Variants in DIPK1A observed in about 807,000 individuals in gnomAD.
The protein encoded by DIPK1A is family with sequence similarity 69 member A.
In DIPK1A, 27 loss-of-function variants were observed where a neutral mutation model predicts 40.8. The ratio of observed to expected loss-of-function variants is 0.66; its 90% CI spans 0.49 to 0.91. The LOEUF (loss-of-function observed/expected upper bound fraction) is 0.91, where lower values mean the gene tolerates loss of function less well. Ranked by LOEUF, DIPK1A falls within the 40% of genes least tolerant of loss-of-function variation. DIPK1A has a pLI of 0.00. For synonymous variants in DIPK1A, 166 were observed against 171.3 expected, an observed-to-expected ratio of 0.97 and a Z score of 0.24; for missense variants, 412 against 505.7, an observed-to-expected ratio of 0.81 and a Z score of 1.78.
chr1:92,927,047 C>T (rs1311663147), intron 1 of DIPK1A, among the ~76,000 whole-genome samples: 1 of 152,034 alleles, frequency 6.6e-6, no homozygotes, highest in Admixed American at 6.6e-5. Flanking sequence ...CATCTGTTTG[C>T]TGTTTCTCTG....
At chr1:92,862,792 ATCT>A (rs1474891554) in intron 2 of DIPK1A, among the ~76,000 whole-genome samples, 1 of 152,186 alleles carries the variant, frequency 6.6e-6, no homozygotes, top group Non-Finnish European at 1.5e-5. Flanking sequence ...ACTGCCGTTC[ATCT>A]TCTCTGCTCT....
At chr1:92,870,079 C>T (rs1484801360) in intron 2 of DIPK1A, among the ~76,000 whole-genome samples, 3 of 101,284 alleles carry the variant, frequency 3.0e-5, no homozygotes, top group African/African-American at 1.4e-4. Flanking sequence ...TATATATACA[C>T]ACACACACAC....
downstream of DIPK1A, chr1:92,837,763 C>G: frequency 1.3e-6 from 1 of 754,666 alleles, no homozygotes; most frequent in Non-Finnish European, 2.3e-6. Flanking sequence ...TGTCAACATT[C>G]TTTTAGTAAT....
In DIPK1A at chr1:92,844,071, A is replaced by C; in HGVS notation, c.599T>G (p.Leu200Arg). The change falls in exon 5 of 5, where the codon CTG becomes CGG. Residue 200 changes from leucine (L) to arginine (R), a missense_variant. Physicochemically the swap from Leu to Arg is moderately radical, Grantham distance 102 (BLOSUM62 -2). Transcript: ENST00000370310. ...TATCACCATGAGAAGAAATTCATTC[A>C]GTTGAAGAAGTGCCCATGCCGACTT... ...EAKSAWALLQ[L>R]NEFLLMVILQ... The C allele has an allele frequency of 6.4e-7, 1 of 1,551,934 alleles. No homozygotes were observed. The highest frequency in any genetic ancestry group is 2.0e-5 in the Admixed American group (1 of 51,002).
chr1:92,904,369 AT>A (rs1480037758), intron 1 of DIPK1A, among the ~76,000 whole-genome samples: 1 of 152,172 alleles, frequency 6.6e-6, no homozygotes, highest in Non-Finnish European at 1.5e-5. Flanking sequence ...TTACCCAAAG[AT>A]CCTCATGAAA....
intron 1 of DIPK1A, among the ~76,000 whole-genome samples, chr1:92,950,601 A>C (rs761433344): frequency 7.2e-5 from 11 of 152,182 alleles, no homozygotes; most frequent in Non-Finnish European, 1.6e-4. Flanking sequence ...TGCATTCAAA[A>C]GTTATTTGGG....
chr1:92,897,959 C>G (rs965164915), intron 1 of DIPK1A, among the ~76,000 whole-genome samples: 2 of 152,052 alleles, frequency 1.3e-5, no homozygotes, highest in African/African-American at 4.8e-5. Context: ...ATTAGCCATG[C>G]GTGGTGGCGT....
intron 1 of DIPK1A, among the ~76,000 whole-genome samples, chr1:92,903,696 T>G (rs1236025766): frequency 6.6e-6 from 1 of 152,216 alleles, no homozygotes. Context: ...CTAGGTCAAA[T>G]TCAGGTATCG....
intron 1 of DIPK1A, among the ~76,000 whole-genome samples, chr1:92,920,352 T>C (rs59078677): frequency 0.023 from 3,571 of 152,312 alleles, 119 homozygotes; most frequent in African/African-American, 0.075. Context: ...CAAGCTCTCC[T>C]TGCCTGCCAC....
chr1:92,833,931 G>A, intron 4 of DIPK1A: 1 of 427,482 alleles, frequency 2.3e-6, no homozygotes, highest in East Asian at 4.8e-5. Context: ...TATAGTGAGA[G>A]TTTGTCTTCA....
intron 2 of DIPK1A, among the ~76,000 whole-genome samples, chr1:92,852,896 G>T (rs1420712840): frequency 6.6e-6 from 1 of 152,102 alleles, no homozygotes; most frequent in Non-Finnish European, 1.5e-5. Flanking sequence ...AAAAGAATTA[G>T]CTGGGTTTGG....
At chr1:92,875,504 G>A (rs941924603) in intron 2 of DIPK1A, among the ~76,000 whole-genome samples, 3 of 152,056 alleles carry the variant, frequency 2.0e-5, no homozygotes, top group African/African-American at 7.2e-5. Flanking sequence ...ATCACTTGAG[G>A]CTAGGAGTTC....
intron 2 of DIPK1A, among the ~76,000 whole-genome samples, chr1:92,873,338 G>C (rs1647964002): frequency 2.6e-5 from 4 of 152,076 alleles, no homozygotes. Flanking sequence ...CTCTCGGCTG[G>C]GTGTGGTGCC....
chr1:92,961,393 TCCTTAGCCAGG>T lies in DIPK1A; in HGVS notation c.26_36del (p.Ala9GlufsTer48). 6.5e-7 allele frequency: 1 copy of T among 1,530,232 alleles called. No homozygotes were observed. The highest frequency in any genetic ancestry group is 8.8e-7 in the Non-Finnish European group (1 of 1,136,396). 94.8% of individuals were successfully genotyped at this position (1,530,232 alleles called of 1,614,324 possible). A position where few individuals can be genotyped will look rare whatever the true frequency, so the allele number is the denominator to read the frequency against. On this transcript the variant is annotated frameshift_variant, in exon 1 of 5. Transcript: ENST00000370310. LOFTEE classifies it high-confidence loss of function. ...CGGCCTACCTGGAGGTAATAGGGTT[TCCTTAGCCAGG>T]CCCCCGGACAGAGACTCCTCGCCAT...
At chr1:92,952,554 G>T (rs1444996062) in intron 1 of DIPK1A, among the ~76,000 whole-genome samples, 2 of 152,038 alleles carry the variant, frequency 1.3e-5, no homozygotes, top group Non-Finnish European at 2.9e-5. Flanking sequence ...GGAAGGCTAG[G>T]TTGCAGTGAA....
chr1:92,941,998 A>AT (rs1204619899), intron 1 of DIPK1A, among the ~76,000 whole-genome samples: 1 of 152,030 alleles, frequency 6.6e-6, no homozygotes, highest in Non-Finnish European at 1.5e-5. Flanking sequence ...TCAAAAAAAA[A>AT]AAAAAGCCAG....
In DIPK1A at chr1:92,843,490, T is replaced by C. The variant is rs1288495563; in HGVS notation, c.1180A>G (p.Ile394Val). Residue 394 changes from isoleucine to valine, a missense_variant, in exon 5 of 5, where the codon ATT (isoleucine) becomes GTT (valine). By Grantham distance (29) the Ile-to-Val change is conservative. Coordinates refer to ENST00000370310, the MANE Select transcript of DIPK1A (RefSeq NM_001006605.5). ...EELEKQLYSC[I>V]ALKVTANQME... ...TGATTTGCTGTGACTTTGAGAGCAA[T>C]ACAAGAATAAAGCTGCTTTTCTAAT... is the stretch of plus-strand genomic sequence containing the variant. 5.8e-6 allele frequency: 9 copies of C among 1,551,528 alleles called. No homozygotes were observed. The highest frequency in any genetic ancestry group is 1.2e-5 in the South Asian group (1 of 84,058).
At chr1:92,905,601 T>C (rs1163433136) in intron 1 of DIPK1A, among the ~76,000 whole-genome samples, 2 of 152,332 alleles carry the variant, frequency 1.3e-5, no homozygotes, top group East Asian at 1.9e-4. Flanking sequence ...ATTGTTTCCA[T>C]TGGTGTGCAG....
intron 1 of DIPK1A, among the ~76,000 whole-genome samples, chr1:92,888,217 C>A (rs571991622): frequency 6.6e-6 from 1 of 152,090 alleles, no homozygotes; most frequent in Non-Finnish European, 1.5e-5. Context: ...CCTCTAGTAA[C>A]CGCTCTTCTA....
Sources: gnomAD v4.1 joint callset for allele counts (sites outside exome capture counted in the v4.1 genomes callset) on GRCh38, gnomAD v4.1.1 for gene constraint, MANE v1.5 for transcripts, NCBI Gene and HGNC (gene_info 2026-07-23, HGNC 2026-07-21) for gene names.